The following CELF4 variants were observed in gnomAD, a reference collection of about 807,000 sequenced individuals.
CELF4 encodes CUG-BP- and ETR-3-like factor 4.
CELF4 carries 18 observed loss-of-function variants against 59.9 expected under a neutral mutation model. The observed-to-expected ratio is 0.30, with a 90% CI of 0.21 to 0.45. The LOEUF (loss-of-function observed/expected upper bound fraction) is 0.45, where lower values mean the gene tolerates loss of function less well. CELF4 is among the 20% of genes least tolerant of loss of function. The probability of loss-of-function intolerance (pLI) is 1.00; values close to 1 mark genes in which losing one functional copy is unlikely to be tolerated. For missense variants in CELF4, 456 were observed against 689.0 expected, an observed-to-expected ratio of 0.66 and a Z score of 3.79; for synonymous variants, 261 against 267.1, an observed-to-expected ratio of 0.98 and a Z score of 0.22.
intron 3 of CELF4, among the ~76,000 whole-genome samples, chr18:37,311,245 A>AG (rs781366598): frequency 3.3e-5 from 5 of 152,182 alleles, no homozygotes; most frequent in Non-Finnish European, 2.9e-5. Context: ...TTTGCAGTTA[A>AG]TTATATTTTC....
chr18:37,289,203 A>G lies in CELF4; in HGVS notation c.449-13960T>C, dbSNP rs113478176. On this transcript the variant is annotated intron_variant, in intron 3 of 12. Coordinates refer to ENST00000420428, the MANE Select transcript of CELF4 (RefSeq NM_020180.4). ...GATGGGGGCTGGCAGAGGGGGCAGT[A>G]CACGGTGGAGCAGCAGGAAGAGTTT... is the stretch of plus-strand genomic sequence containing the variant. Among the ~76,000 whole-genome samples the G allele has an allele frequency of 4.6e-4, 70 of 152,216 alleles. 1 individual carries two copies. Among genetic ancestry groups the G allele is most frequent in the African/African-American group, 1.6e-3 (68 of 41,536 alleles).
intron 1 of CELF4, among the ~76,000 whole-genome samples, chr18:37,517,283 T>C (rs1050372777): frequency 1.3e-5 from 2 of 152,184 alleles, no homozygotes; most frequent in African/African-American, 2.4e-5. Flanking sequence ...GGCAGATTCC[T>C]GTTGGAGAGC....
intron 11 of CELF4, among the ~76,000 whole-genome samples, chr18:37,257,165 A>G (rs575229586): frequency 2.0e-5 from 3 of 152,214 alleles, no homozygotes; most frequent in Non-Finnish European, 4.4e-5. Context: ...CTGCAAGGAA[A>G]TGCCTTTGGA....
At chr18:37,394,318 C>T (rs2154579501) in intron 2 of CELF4, among the ~76,000 whole-genome samples, 1 of 152,330 alleles carries the variant, frequency 6.6e-6, no homozygotes, top group South Asian at 2.1e-4. Flanking sequence ...CGGAATTGGG[C>T]GGCTTCTCCC....
intron 2 of CELF4, among the ~76,000 whole-genome samples, chr18:37,442,461 G>T (rs1232676659): frequency 1.3e-5 from 2 of 152,148 alleles, no homozygotes; most frequent in African/African-American, 4.8e-5. Context: ...TTAATGGCTG[G>T]GTGGGCCAAG....
intron 1 of CELF4, among the ~76,000 whole-genome samples, chr18:37,495,053 T>C (rs1655238933): frequency 6.6e-6 from 1 of 152,240 alleles, no homozygotes; most frequent in African/African-American, 2.4e-5. Context: ...GGATTTCAAA[T>C]GCATTTGGGG....
chr18:37,341,489 C>T (rs1397738607), intron 2 of CELF4, among the ~76,000 whole-genome samples: 1 of 152,202 alleles, frequency 6.6e-6, no homozygotes, highest in Non-Finnish European at 1.5e-5. Context: ...TGAGCAGGTG[C>T]AGGGGCATCC....
At chr18:37,312,758 C>A (rs1200061228) in intron 3 of CELF4, among the ~76,000 whole-genome samples, 1 of 152,144 alleles carries the variant, frequency 6.6e-6, no homozygotes. Context: ...TGCCCACCCC[C>A]CAGGCCTAGG....
intron 2 of CELF4, among the ~76,000 whole-genome samples, chr18:37,475,249 A>C (rs1159417777): frequency 1.3e-5 from 2 of 152,172 alleles, no homozygotes; most frequent in African/African-American, 4.8e-5. Flanking sequence ...GCTCCAACTA[A>C]GACAATATCC....
intron 3 of CELF4, among the ~76,000 whole-genome samples, chr18:37,284,168 C>A (rs1380629734): frequency 6.7e-6 from 1 of 150,136 alleles, no homozygotes; most frequent in Non-Finnish European, 1.5e-5. Context: ...CACACCCATA[C>A]ACTCCAACAC....
At chr18:37,249,648 G>A (rs888192536) in intron 12 of CELF4, among the ~76,000 whole-genome samples, 2 of 152,170 alleles carry the variant, frequency 1.3e-5, no homozygotes, top group Non-Finnish European at 2.9e-5. Flanking sequence ...TCATTAGGCA[G>A]CAGCTCCTCT....
In CELF4 at chr18:37,491,438, C is replaced by G. The variant is rs1459995049; in HGVS notation, c.287-5831G>C. On this transcript the variant is annotated intron_variant, in intron 1 of 12. Transcript: ENST00000420428. ...TTATTTACTTAATCCCTTCCATTTA[C>G]CAGCTTGATGCCTCGTCTCTGAATA... Among the ~76,000 whole-genome samples, 6 of 152,330 alleles carry G rather than the reference C, an allele frequency of 3.9e-5. No homozygotes were observed. In the East Asian group the frequency reaches 1.2e-3, roughly 29 times the overall value.
chr18:37,418,134 C>G (rs528334324), intron 2 of CELF4, among the ~76,000 whole-genome samples: 25 of 152,292 alleles, frequency 1.6e-4, no homozygotes, highest in Admixed American at 4.6e-4. Context: ...CTCTTTCTGT[C>G]CTCTCCCCAC....
intron 1 of CELF4, among the ~76,000 whole-genome samples, chr18:37,563,478 C>T (rs2099987186): frequency 6.6e-6 from 1 of 151,636 alleles, no homozygotes; most frequent in Non-Finnish European, 1.5e-5. Context: ...TGAGGACATT[C>T]AGAATAACAA....
chr18:37,463,069 C>T (rs2099798239), intron 2 of CELF4, among the ~76,000 whole-genome samples: 1 of 152,192 alleles, frequency 6.6e-6, no homozygotes, highest in Non-Finnish European at 1.5e-5. Context: ...CCAGAAGACA[C>T]AATGAATGCA....
chr18:37,262,845 C>T (rs1441166243), intron 10 of CELF4, among the ~76,000 whole-genome samples: 1 of 152,142 alleles, frequency 6.6e-6, no homozygotes, highest in African/African-American at 2.4e-5. Context: ...AGGGGACCAC[C>T]CCCACCCCCA....
chr18:37,251,628 A>C (rs1449744542), intron 12 of CELF4, among the ~76,000 whole-genome samples: 1 of 152,194 alleles, frequency 6.6e-6, no homozygotes, highest in Non-Finnish European at 1.5e-5. Context: ...CAAGCACCCT[A>C]ACCCAGGTCA....
At chr18:37,382,151 T>A (rs2099047560) in intron 2 of CELF4, among the ~76,000 whole-genome samples, 1 of 152,226 alleles carries the variant, frequency 6.6e-6, no homozygotes. Flanking sequence ...TCTAAGTGCT[T>A]GACTTCTGTT....
chr18:37,274,283 A>ACCGCTGC, intron 6 of CELF4, 28 bp downstream of exon 6: 2 of 1,608,668 alleles, frequency 1.2e-6, no homozygotes, highest in Non-Finnish European at 1.7e-6. Flanking sequence ...GAGCTTGAGA[A>ACCGCTGC]CCGCTGCCCG....
Sources: gnomAD v4.1 joint callset for allele counts (sites outside exome capture counted in the v4.1 genomes callset) on GRCh38, gnomAD v4.1.1 for gene constraint, MANE v1.5 for transcripts, NCBI Gene and HGNC (gene_info 2026-07-23, HGNC 2026-07-21) for gene names.